Variants in ARHGEF3 observed in about 807,000 individuals in gnomAD.
The protein encoded by ARHGEF3 is 59.8 kDA protein.
In ARHGEF3, 28 loss-of-function variants were observed where a neutral mutation model predicts 63.2. The observed-to-expected ratio is 0.44, with a 90% CI of 0.33 to 0.61. ARHGEF3 has a LOEUF of 0.61. Ranked by LOEUF, ARHGEF3 falls within the 20% of genes least tolerant of loss-of-function variation. The pLI is 0.03. For synonymous variants in ARHGEF3, 266 were observed against 254.2 expected (o/e 1.05, Z -0.44); for missense variants, 533 against 659.3 (o/e 0.81, Z 2.10).
chr3:56,731,663 C>T (rs541760938), intron 9 of ARHGEF3: 1 of 133,146 alleles, frequency 7.5e-6, no homozygotes, highest in Admixed American at 7.2e-5. Flanking sequence ...CATCACAATG[C>T]AAGCTCCATA....
At chr3:56,815,635 G>A (rs1400194816) in intron 4 of ARHGEF3, among the ~76,000 whole-genome samples, 1 of 152,196 alleles carries the variant, frequency 6.6e-6, no homozygotes, top group African/African-American at 2.4e-5. Context: ...GAGGGAAAAT[G>A]GAGACAGACT....
chr3:56,816,717 TC>T (rs2038285011), intron 4 of ARHGEF3, among the ~76,000 whole-genome samples: 1 of 152,132 alleles, frequency 6.6e-6, no homozygotes, highest in Non-Finnish European at 1.5e-5. Context: ...CACAGAGAGT[TC>T]AAGCAACTTG....
At chr3:56,729,835 G>C (rs967574930) in intron 9 of ARHGEF3, among the ~76,000 whole-genome samples, 1 of 134,796 alleles carries the variant, frequency 7.4e-6, no homozygotes, top group African/African-American at 2.8e-5. Context: ...AGCTGCCCTC[G>C]TCGCTCTCAG....
chr3:57,075,071 GC>G (rs2107422263), intron 1 of ARHGEF3: 1 of 167,214 alleles, frequency 6.0e-6, no homozygotes, highest in South Asian at 2.1e-4. Flanking sequence ...ACAACATTGG[GC>G]TCCATATGCA....
intron 2 of ARHGEF3, among the ~76,000 whole-genome samples, chr3:57,024,020 T>G (rs1025536372): frequency 2.6e-5 from 4 of 152,176 alleles, no homozygotes; most frequent in Non-Finnish European, 5.9e-5. Flanking sequence ...TGGCATGGGG[T>G]TGGTTTCTTT....
chr3:56,816,379 A>C (rs1215973249), intron 4 of ARHGEF3, among the ~76,000 whole-genome samples: 1 of 152,232 alleles, frequency 6.6e-6, no homozygotes, highest in Admixed American at 6.5e-5. Context: ...CTAAAAACAA[A>C]GATACCTTGC....
chr3:56,890,123 T>C (rs1313015291), intron 3 of ARHGEF3, among the ~76,000 whole-genome samples: 1 of 152,154 alleles, frequency 6.6e-6, no homozygotes, highest in South Asian at 2.1e-4. Context: ...TAAAACAATA[T>C]AAAAAGACCC....
chr3:57,032,482 T>C (rs755808130), intron 2 of ARHGEF3, among the ~76,000 whole-genome samples: 2 of 152,212 alleles, frequency 1.3e-5, no homozygotes, highest in Non-Finnish European at 2.9e-5. Context: ...GTGAGAGCAC[T>C]GGGTAGAAAC....
chr3:57,007,231 C>T, intron 2 of ARHGEF3: 1 of 1,289,656 alleles, frequency 7.8e-7, no homozygotes, highest in Non-Finnish European at 1.0e-6. Context: ...GTGGGGGGGT[C>T]AATAACACCA....
chr3:56,732,279 A>G lies in ARHGEF3; in HGVS notation c.1187T>C (p.Leu396Pro). ...LEDLQDGEVR[L>P]GGSLRGAFSN... is the part of the protein sequence containing the mutation. Reference sequence around the variant, plus strand: ...GAATGCCCCTCGCAGGGAGCCACCCAGCCTCACTTCTCCATCCTGGAGGTC... The same window carrying G: ...GAATGCCCCTCGCAGGGAGCCACCCGGCCTCACTTCTCCATCCTGGAGGTC... Residue 396 changes from leucine to proline, a missense_variant, in exon 9 of 10, where the codon CTG becomes CCG. Leu to Pro is a moderately conservative substitution (Grantham distance 98). This residue lies in a region of ARHGEF3 where 151 missense variants were observed against 190.7 expected (regional missense o/e 0.79). Coordinates refer to ENST00000296315, the MANE Select transcript of ARHGEF3 (RefSeq NM_019555.3). 6.2e-7 allele frequency: 1 copy of G among 1,614,152 alleles called. No homozygotes were observed. The highest frequency in any genetic ancestry group is 2.2e-5 in the East Asian group (1 of 44,862).
At chr3:56,803,890 T>TA (rs2037769813), upstream of ARHGEF3, among the ~76,000 whole-genome samples, 2 of 30,088 alleles carry the variant, frequency 6.6e-5, no homozygotes, top group African/African-American at 1.5e-4. Flanking sequence ...TTTTCTTTCT[T>TA]TTTTTTTTTT....
chr3:56,870,421 A>G (rs951284572), intron 4 of ARHGEF3, among the ~76,000 whole-genome samples: 4 of 152,232 alleles, frequency 2.6e-5, no homozygotes, highest in African/African-American at 9.6e-5. Flanking sequence ...GAAAAAGGCA[A>G]AAGTATGGAG....
At chr3:56,852,353 C>T (rs2039706741) in intron 4 of ARHGEF3, among the ~76,000 whole-genome samples, 3 of 152,152 alleles carry the variant, frequency 2.0e-5, no homozygotes, top group East Asian at 1.9e-4. Context: ...GAGGCAGAAT[C>T]TGAGTAAGTG....
intron 4 of ARHGEF3, among the ~76,000 whole-genome samples, chr3:56,871,309 T>G (rs2040425429): frequency 6.6e-6 from 1 of 152,078 alleles, no homozygotes; most frequent in Non-Finnish European, 1.5e-5. Flanking sequence ...CTCTAAAAAA[T>G]AAAATATTTT....
At chr3:56,995,227 T>G (rs1422485833) in intron 2 of ARHGEF3, among the ~76,000 whole-genome samples, 1 of 152,060 alleles carries the variant, frequency 6.6e-6, no homozygotes, top group Non-Finnish European at 1.5e-5. Flanking sequence ...GGATCATAAT[T>G]TTCCTCTGTG....
At chr3:57,072,153 C>G (rs1217259792) in intron 1 of ARHGEF3, among the ~76,000 whole-genome samples, 1 of 152,118 alleles carries the variant, frequency 6.6e-6, no homozygotes, top group African/African-American at 2.4e-5. Flanking sequence ...AAACTGGAAC[C>G]CTCGTGCACT....
intron 8 of ARHGEF3, among the ~76,000 whole-genome samples, chr3:56,733,173 C>G (rs939014181): frequency 6.6e-6 from 1 of 151,322 alleles, no homozygotes; most frequent in Non-Finnish European, 1.5e-5. Flanking sequence ...GTCCCAGCTA[C>G]TTGGGAGCCT....
At chr3:56,840,478 TC>T (rs1407749614) in intron 4 of ARHGEF3, among the ~76,000 whole-genome samples, 1 of 152,216 alleles carries the variant, frequency 6.6e-6, no homozygotes, top group African/African-American at 2.4e-5. Flanking sequence ...TTTTAAAATA[TC>T]TCTATTACAA....
chr3:56,732,386 G>T lies in ARHGEF3; in HGVS notation c.1080C>A (p.Ile360=). The T allele has an allele frequency of 1.2e-6, 2 of 1,614,146 alleles. No individual in the cohort carries two copies. The highest frequency in any genetic ancestry group is 2.2e-5 in the South Asian group (2 of 91,074). The change falls in exon 9 of 10, where the codon ATC becomes ATA. Residue 360 remains isoleucine (I), a synonymous_variant. Transcript: ENST00000296315. ...GCTCATTGTGGGTGACGGCTCGAGT[G>T]ATCACAAGCACTTCTTGGAACAGGA... The part of the protein sequence containing the change: ...HVFLFQEVLV[I]TRAVTHNEQL...
Sources: gnomAD v4.1 joint callset for allele counts (sites outside exome capture counted in the v4.1 genomes callset) on GRCh38, gnomAD v4.1.1 for gene constraint, gnomAD v4.1.1 regional missense constraint, MANE v1.5 for transcripts, NCBI Gene and HGNC (gene_info 2026-07-23, HGNC 2026-07-21) for gene names.